The following RALGAPA2 variants were observed in gnomAD, a reference collection of about 807,000 sequenced individuals.
The protein encoded by RALGAPA2 is Ral GTPase activating protein catalytic subunit alpha 2, also known as ral GTPase-activating protein subunit alpha-2.
In RALGAPA2, 139 loss-of-function variants were observed where a neutral mutation model predicts 230.4. The observed-to-expected ratio is 0.60, with a 90% CI of 0.53 to 0.69. The LOEUF is 0.69. Ranked by LOEUF, RALGAPA2 falls within the 30% of genes least tolerant of loss-of-function variation. RALGAPA2 has a pLI of 0.00. For synonymous variants in RALGAPA2, 847 were observed against 837.8 expected (o/e 1.01, Z -0.19); for missense variants, 2,163 against 2,276.0 (o/e 0.95, Z 1.01).
At position 20,620,517 on chromosome 20, in the gene RALGAPA2, A is replaced by T; in HGVS notation, c.1347T>A (p.Asp449Glu). ...PVFMEEPDRKDVAQEDAEKLG... is the reference protein window; with the variant it reads ...PVFMEEPDRKEVAQEDAEKLG... Reference sequence around the variant, plus strand: ...ATTTTTCAGCATCTTCTTGGGCAACATCTTTTCTATCTGGCTCCTCCATGA... The same window carrying T: ...ATTTTTCAGCATCTTCTTGGGCAACTTCTTTTCTATCTGGCTCCTCCATGA... Residue 449 changes from aspartate (D) to glutamate (E), a missense_variant, in exon 11 of 40, where the codon GAT (aspartate) becomes GAA (glutamate). Coordinates refer to ENST00000202677, the MANE Select transcript of RALGAPA2 (RefSeq NM_020343.4). 6.2e-7 allele frequency: 1 copy of T among 1,613,952 alleles called. No homozygotes were observed.
chr20:20,464,283 C>T (rs2061366709), intron 37 of RALGAPA2, among the ~76,000 whole-genome samples: 2 of 152,212 alleles, frequency 1.3e-5, no homozygotes, highest in South Asian at 4.1e-4. Flanking sequence ...GCATGCTCAG[C>T]CAAGGCCCGC....
chr20:20,546,901 G>A, intron 23 of RALGAPA2, 69 bp from the exon 24 acceptor site: 1 of 1,458,436 alleles, frequency 6.9e-7, no homozygotes, highest in South Asian at 1.4e-5. Flanking sequence ...AGTGTTTGTA[G>A]TGGTACATAT....
intron 38 of RALGAPA2, among the ~76,000 whole-genome samples, chr20:20,408,693 T>C (rs1366485378): frequency 6.6e-6 from 1 of 152,208 alleles, no homozygotes; most frequent in Non-Finnish European, 1.5e-5. Flanking sequence ...CTTGGTGATA[T>C]GATTGAAAGC....
chr20:20,418,121 C>T (rs780695322), intron 37 of RALGAPA2, among the ~76,000 whole-genome samples: 6 of 152,092 alleles, frequency 3.9e-5, no homozygotes, highest in African/African-American at 1.2e-4. Flanking sequence ...GAAGCATCTG[C>T]GACTCAGAGC....
At chr20:20,637,341 A>G (rs2066891366) in intron 8 of RALGAPA2, 22 bp downstream of exon 8, 1 of 1,571,566 alleles carries the variant, frequency 6.4e-7, no homozygotes, top group Non-Finnish European at 8.6e-7. Context: ...TATCCTCTAT[A>G]CACGGCTCCA....
At chr20:20,565,434 CCCCTGCA>C (rs2064384240) in intron 23 of RALGAPA2, among the ~76,000 whole-genome samples, 1 of 152,166 alleles carries the variant, frequency 6.6e-6, no homozygotes, top group Non-Finnish European at 1.5e-5. Context: ...ACAAGTATCA[CCCCTGCA>C]CCTTGCTTTC....
rs371013348 is a variant in RALGAPA2 at position 20,495,215 on chromosome 20, G to A, written c.5269C>T (p.Arg1757Cys). 1.7e-5 allele frequency: 28 copies of A among 1,610,732 alleles called. No homozygotes were observed. The highest frequency in any genetic ancestry group is 2.2e-5 in the East Asian group (1 of 44,860). Reference sequence around the variant, plus strand: ...AAGGCAGTTGGGATAATACCCCTGCGGTAGTCTCTGGAGTGTTCAGACCAG... The same window carrying A: ...AAGGCAGTTGGGATAATACCCCTGCAGTAGTCTCTGGAGTGTTCAGACCAG... Reference protein sequence around the residue: ...IVWSEHSRDYRRGIIPTAFGD... With the variant: ...IVWSEHSRDYCRGIIPTAFGD... Residue 1757 changes from arginine (R) to cysteine (C), a missense_variant, in exon 36 of 40, where the codon CGC becomes TGC. Transcript: ENST00000202677.
chr20:20,477,808 G>A (rs935956706), intron 36 of RALGAPA2, among the ~76,000 whole-genome samples: 2 of 152,036 alleles, frequency 1.3e-5, no homozygotes, highest in Admixed American at 6.6e-5. Context: ...GGCTGGTCTC[G>A]ACTTCCTGGC....
chr20:20,550,951 G>C (rs1226004466), intron 23 of RALGAPA2, among the ~76,000 whole-genome samples: 1 of 152,166 alleles, frequency 6.6e-6, no homozygotes, highest in Non-Finnish European at 1.5e-5. Context: ...TCTACAGAAA[G>C]AATAGTTTAA....
At chr20:20,455,403 A>G (rs1014648092) in intron 37 of RALGAPA2, among the ~76,000 whole-genome samples, 1 of 152,182 alleles carries the variant, frequency 6.6e-6, no homozygotes, top group Non-Finnish European at 1.5e-5. Context: ...AACACTAAAG[A>G]GCTGGGGGAT....
At chr20:20,509,739 G>T (rs2062647090) in intron 33 of RALGAPA2, among the ~76,000 whole-genome samples, 1 of 152,202 alleles carries the variant, frequency 6.6e-6, no homozygotes, top group South Asian at 2.1e-4. Flanking sequence ...ATGCCCTTCT[G>T]ATTCCCACAA....
intron 36 of RALGAPA2, among the ~76,000 whole-genome samples, chr20:20,485,265 T>C (rs2061882745): frequency 6.6e-6 from 1 of 152,198 alleles, no homozygotes; most frequent in South Asian, 2.1e-4. Flanking sequence ...TTCCCTGCTC[T>C]GATGTTAGCT....
At chr20:20,400,717 T>A (rs2059814660) in intron 38 of RALGAPA2, among the ~76,000 whole-genome samples, 1 of 152,108 alleles carries the variant, frequency 6.6e-6, no homozygotes, top group South Asian at 2.1e-4. Flanking sequence ...CATGAGTGAG[T>A]GGCCACAGAG....
intron 20 of RALGAPA2, among the ~76,000 whole-genome samples, chr20:20,582,161 AGTGTGTGTGTGTGTGTGTGT>A (rs35240382): frequency 6.8e-6 from 1 of 146,066 alleles, no homozygotes; most frequent in Non-Finnish European, 1.5e-5. Context: ...AGTGTCACAC[AGTGTGTGTGTGTGTGTGTGT>A]GTGTGTGTGT....
intron 37 of RALGAPA2, 195 bp downstream of exon 37, chr20:20,472,634 A>ATT (rs2061564806): frequency 1.1e-5 from 5 of 448,424 alleles, no homozygotes; most frequent in Non-Finnish European, 1.8e-5. Context: ...TCTAAGTTTA[A>ATT]TGCAGCATAA....
intron 1 of RALGAPA2, among the ~76,000 whole-genome samples, chr20:20,689,414 C>T (rs968380450): frequency 1.4e-4 from 22 of 152,144 alleles, no homozygotes; most frequent in African/African-American, 4.8e-4. Context: ...GAGGCCAAGG[C>T]GGGCAGATCA....
In RALGAPA2 at chr20:20,530,770, C is replaced by T. The variant is rs187234746; in HGVS notation, c.3582+917G>A. On this transcript the variant is annotated intron_variant, in intron 27 of 39. Transcript: ENST00000202677. ...CTCAGTGAGGTGGTCATTCTAGAGC[C>T]TTGAACAAGTTCCTTAATGATCCTG... Among the ~76,000 whole-genome samples, 135 of 152,246 alleles carry T rather than the reference C, an allele frequency of 8.9e-4. 1 individual carries two copies. Among genetic ancestry groups the T allele is most frequent in the Non-Finnish European group, 1.1e-3 (73 of 68,006 alleles).
At chr20:20,609,719 C>T (rs761660666) in intron 14 of RALGAPA2, among the ~76,000 whole-genome samples, 4 of 152,178 alleles carry the variant, frequency 2.6e-5, no homozygotes, top group African/African-American at 7.2e-5. Flanking sequence ...AGGTCCAGGA[C>T]GGGGAGCTCG....
chr20:20,702,554 C>G (rs146078531), intron 1 of RALGAPA2, among the ~76,000 whole-genome samples: 1 of 152,306 alleles, frequency 6.6e-6, no homozygotes, highest in East Asian at 1.9e-4. Flanking sequence ...CAGGAACAGG[C>G]AGCATTAATA....
Sources: gnomAD v4.1 joint callset for allele counts (sites outside exome capture counted in the v4.1 genomes callset) on GRCh38, gnomAD v4.1.1 for gene constraint, MANE v1.5 for transcripts, NCBI Gene and HGNC (gene_info 2026-07-23, HGNC 2026-07-21) for gene names.